Variants in LILRB3 observed in about 807,000 individuals in gnomAD.
The protein encoded by LILRB3 is leukocyte immunoglobulin-like receptor subfamily B member 3.
Under a neutral mutation model 68.2 loss-of-function variants are expected in LILRB3, and 32 were observed. That is an observed-to-expected ratio of 0.47 (90% CI 0.35 to 0.63). The LOEUF (loss-of-function observed/expected upper bound fraction) is 0.63, where lower values mean the gene tolerates loss of function less well. LILRB3 is among the 30% of genes least tolerant of loss of function. The pLI is 0.00. For synonymous variants in LILRB3, 185 were observed against 323.1 expected (o/e 0.57, Z 4.58); for missense variants, 502 against 791.3 (o/e 0.63, Z 4.39).
intron 10 of LILRB3, 35 bp downstream of exon 10, chr19:54,218,610 C>T (rs372159010): frequency 1.2e-5 from 20 of 1,614,122 alleles, no homozygotes; most frequent in African/African-American, 6.7e-5. Flanking sequence ...TCCTGTCTCT[C>T]CAGCACCCCC....
At position 54,218,357 on chromosome 19, in the gene LILRB3, T is replaced by C. The variant is rs546301070; in HGVS notation, c.1593+4A>G. 3.7e-6 allele frequency: 6 copies of C among 1,614,060 alleles called. No individual in the cohort carries two copies. Among genetic ancestry groups the C allele is most frequent in the Non-Finnish European group, 4.2e-6 (5 of 1,180,006 alleles). ...TTGGTGCCTGGGACGGGGCGGGATC[T>C]CACCTGACTGTCCAGCTCCACCCTG... On this transcript the variant is annotated splice_donor_region_variant and intron_variant, in intron 11 of 12. Coordinates refer to ENST00000445347, the Ensembl canonical transcript of LILRB3.
intron 7 of LILRB3, chr19:54,219,508 C>T (rs1379057755): frequency 9.0e-6 from 14 of 1,550,304 alleles, no homozygotes; most frequent in African/African-American, 1.4e-5. Context: ...TGTTCCTGCA[C>T]CAGAGCCGAG....
chr19:54,221,421 C>T (rs2078164908), intron 4 of LILRB3, 42 bp from the exon 5 acceptor site: 1 of 1,497,692 alleles, frequency 6.7e-7, no homozygotes, highest in Non-Finnish European at 8.9e-7. Context: ...GCTGGTTCCT[C>T]CCACGCCCCT....
intron 8 of LILRB3, 104 bp from the exon 9 acceptor site, chr19:54,218,942 A>G (rs968907494): frequency 3.9e-5 from 61 of 1,565,670 alleles, no homozygotes; most frequent in Non-Finnish European, 3.7e-5. Flanking sequence ...TCCTGCATGG[A>G]TGTTCCAAAT....
At chr19:54,219,935 G>C in intron 7 of LILRB3, 1 of 1,432,354 alleles carries the variant, frequency 7.0e-7, no homozygotes, top group African/African-American at 1.4e-5. Flanking sequence ...TCAGGACAGG[G>C]AGGTGAAGGC....
chr19:54,222,705 C>T (rs1352937202), intron 2 of LILRB3, 42 bp downstream of exon 2: 9 of 1,612,452 alleles, frequency 5.6e-6, no homozygotes, highest in African/African-American at 4.1e-5. Flanking sequence ...CCCCCTGTCC[C>T]AGTGAGGAGT....
exon 6 of LILRB3, chr19:54,220,791 C>T: frequency 2.0e-6 from 3 of 1,508,628 alleles, no homozygotes; most frequent in Non-Finnish European, 2.7e-6. Flanking sequence ...CACTGTGGGG[C>T]CCGGCTGTGC....
chr19:54,219,567 C>T, intron 7 of LILRB3: 8 of 1,549,046 alleles, frequency 5.2e-6, no homozygotes, highest in Non-Finnish European at 7.0e-6. Context: ...CACGGCCCTG[C>T]TCCCCTCCCC....
Position 54,222,569 on chromosome 19 carries a change from G to A in LILRB3, c.71-7C>T, listed in dbSNP as rs1600924578. ...GTGGGTTTGGGGAAGGGCCCTAGATGGAAATCAGAGGCTGGATCCCAAGAC... is the reference window on the plus strand; with the variant it reads ...GTGGGTTTGGGGAAGGGCCCTAGATAGAAATCAGAGGCTGGATCCCAAGAC... On this transcript the variant is annotated splice_polypyrimidine_tract_variant and splice_region_variant and intron_variant, in intron 2 of 12. Transcript: ENST00000445347. 6.2e-7 allele frequency: 1 copy of A among 1,610,292 alleles called. No homozygotes were observed. Among genetic ancestry groups the A allele is most frequent in the South Asian group, 1.1e-5 (1 of 90,728 alleles).
chr19:54,218,061 A>C (rs3865479), intron 11 of LILRB3, among the ~76,000 whole-genome samples: 1 of 128,208 alleles, frequency 7.8e-6, no homozygotes, highest in South Asian at 2.2e-4. Context: ...ATGAATGAAG[A>C]GGAGCCCAGG....
In LILRB3 at chr19:54,221,128, A is replaced by G. The variant is rs1435598308; in HGVS notation, c.910T>C (p.Ser304Pro). 103 of 1,210,644 alleles carry G rather than the reference A, an allele frequency of 8.5e-5. 5 individuals carry two copies. In the Middle Eastern group the frequency reaches 1.3e-3, roughly 15 times the overall value. The allele number at this position is 1,210,644 out of a possible 1,614,324, so 75.0% of individuals were successfully genotyped here. Residue 304 changes from serine (S) to proline (P), a missense_variant, in exon 5 of 13, where the codon TCC becomes CCC. Ser to Pro is a moderately conservative substitution (Grantham distance 74, BLOSUM62 -1). Coordinates refer to ENST00000445347, the Ensembl canonical transcript of LILRB3. ...GGGTCACTGGGGGCCGACCACTCGG[A>G]GGAGAGGTTGTGTGCACCATAGCAC...
intron 1 of LILRB3, 79 bp from the exon 2 acceptor site, chr19:54,222,861 G>A: frequency 6.2e-7 from 1 of 1,612,584 alleles, no homozygotes; most frequent in Non-Finnish European, 8.5e-7. Context: ...AGCTTTTGAG[G>A]TCTCCTGATG....
intron 7 of LILRB3, chr19:54,219,749 G>T: frequency 6.8e-7 from 1 of 1,478,154 alleles, no homozygotes; most frequent in Admixed American, 2.5e-5. Flanking sequence ...AGAAACTGAG[G>T]CCCAGGCAGG....
At chr19:54,219,503 C>A (rs1440317522) in intron 7 of LILRB3, 1 of 1,550,442 alleles carries the variant, frequency 6.4e-7, no homozygotes, top group Non-Finnish European at 8.7e-7. Context: ...GCCCTTGTTC[C>A]TGCACCAGAG....
exon 13 of LILRB3, chr19:54,216,919 G>C (rs1224532960): frequency 2.8e-6 from 4 of 1,445,904 alleles, no homozygotes; most frequent in Non-Finnish European, 3.6e-6. Flanking sequence ...AAAATGGGAC[G>C]ATATTAGTCA....
At chr19:54,219,938 G>C in intron 7 of LILRB3, 5 of 1,371,368 alleles carry the variant, frequency 3.6e-6, no homozygotes, top group Non-Finnish European at 5.1e-6. Context: ...GGACAGGGAG[G>C]TGAAGGCTGG....
chr19:54,218,340 T>C (rs58414108), intron 11 of LILRB3, 21 bp downstream of exon 11: 198,163 of 1,613,316 alleles, frequency 0.12, 14,563 homozygotes, highest in African/African-American at 0.32. Context: ...CTTTGGTGCC[T>C]GGGACGGGGC....
At chr19:54,222,083 C>A in exon 4 of LILRB3, 1 of 1,611,024 alleles carries the variant, frequency 6.2e-7, no homozygotes, top group Non-Finnish European at 8.5e-7. Flanking sequence ...CCCCCTGAGG[C>A]CACCACAGGG....
In LILRB3 at chr19:54,222,228, C is replaced by G. The variant is rs774840336; in HGVS notation, c.355+50G>C. 2.5e-6 allele frequency: 4 copies of G among 1,611,220 alleles called. No individual in the cohort carries two copies. In the East Asian group the frequency reaches 9.0e-5, roughly 36 times the overall value. On this transcript the variant is annotated intron_variant, in intron 3 of 12. Coordinates refer to ENST00000445347, the Ensembl canonical transcript of LILRB3. ...AGGGAGACGCCCCTGAGAGCCGACC[C>G]CCTTCCTGAGGGCAGAGCCTGGGGC...
Sources: allele counts gnomAD v4.1 joint callset (sites outside exome capture counted in the v4.1 genomes callset), GRCh38; gene constraint gnomAD v4.1.1; transcripts MANE v1.5; gene names NCBI Gene and HGNC (gene_info 2026-07-23, HGNC 2026-07-21).